TSEN2: variants seen among roughly 807,000 people sequenced by gnomAD.
The protein encoded by TSEN2 is tRNA splicing endonuclease subunit 2.
A neutral mutation model predicts 59.2 loss-of-function variants in TSEN2; 54 were observed. The observed-to-expected ratio is 0.91, with a 90% confidence interval of 0.73 to 1.14. TSEN2 has a LOEUF of 1.14. Among genes scored for constraint, TSEN2 ranks in the 50% most tolerant of loss-of-function variants. The pLI, the probability that TSEN2 is intolerant of heterozygous loss-of-function variation, is 0.00. For synonymous variants in TSEN2, 195 were observed against 198.2 expected (o/e 0.98, Z 0.14); for missense variants, 636 against 576.2 (o/e 1.10, Z -1.06).
At chr3:12,531,404 T>G (rs1281805622) in intron 10 of TSEN2, 166 bp from the exon 11 acceptor site, 2 of 611,158 alleles carry the variant, frequency 3.3e-6, no homozygotes, top group Non-Finnish European at 5.9e-6. Flanking sequence ...AGTCAGAACG[T>G]AAATCCCAGT....
upstream of TSEN2, among the ~76,000 whole-genome samples, chr3:12,480,443 C>T (rs2052177862): frequency 1.3e-5 from 2 of 152,116 alleles, no homozygotes; most frequent in Non-Finnish European, 2.9e-5. Flanking sequence ...CTGGTCTTCC[C>T]TGACCTCCAA....
chr3:12,498,586 A>C (rs1266365797), intron 4 of TSEN2, among the ~76,000 whole-genome samples: 1 of 152,224 alleles, frequency 6.6e-6, no homozygotes, highest in Non-Finnish European at 1.5e-5. Context: ...GTCAATTTGC[A>C]TTGAATTTAC....
Position 12,519,208 on chromosome 3 carries a change from C to A in TSEN2, c.1099+11C>A. The A allele has an allele frequency of 6.2e-7, 1 of 1,614,168 alleles. No individual in the cohort carries two copies. Among genetic ancestry groups the A allele is most frequent in the Middle Eastern group, 1.6e-4 (1 of 6,062 alleles). On this transcript the variant is annotated intron_variant, in intron 8 of 11. Transcript: ENST00000284995. The stretch of plus-strand genomic sequence containing the variant: ...ACGGGACAGATTTACGTAAGTAATT[C>A]TTGGCGTGGTGTGTGTGAGAATAGA...
intron 8 of TSEN2, among the ~76,000 whole-genome samples, chr3:12,527,256 A>T (rs974797811): frequency 1.3e-5 from 2 of 152,216 alleles, no homozygotes; most frequent in African/African-American, 4.8e-5. Flanking sequence ...TACAGACGCA[A>T]AACAAGACTA....
At chr3:12,538,224 A>G (rs1194802176), downstream of TSEN2, among the ~76,000 whole-genome samples, 1 of 152,234 alleles carries the variant, frequency 6.6e-6, no homozygotes, top group Non-Finnish European at 1.5e-5. Context: ...CTTTATTACT[A>G]ATGTTAAAGG....
intron 11 of TSEN2, among the ~76,000 whole-genome samples, 170 bp downstream of exon 11, chr3:12,531,829 C>T (rs900626134): frequency 2.0e-5 from 3 of 152,180 alleles, no homozygotes; most frequent in Admixed American, 1.3e-4. Flanking sequence ...CCATTGGACA[C>T]GAAATCTATG....
upstream of TSEN2, among the ~76,000 whole-genome samples, chr3:12,482,105 G>C (rs17279604): frequency 0.1 from 15,267 of 152,146 alleles, 982 homozygotes; most frequent in Admixed American, 0.17. Context: ...AGATACCAAA[G>C]GTTGAAGGTT....
At chr3:12,538,253 T>C (rs868400890), downstream of TSEN2, among the ~76,000 whole-genome samples, 1 of 152,250 alleles carries the variant, frequency 6.6e-6, no homozygotes, top group Non-Finnish European at 1.5e-5. Context: ...CATTAAAGTT[T>C]ATTTGAGCAA....
chr3:12,507,844 G>A (rs1034072159), intron 6 of TSEN2, among the ~76,000 whole-genome samples: 12 of 152,218 alleles, frequency 7.9e-5, no homozygotes, highest in Non-Finnish European at 1.0e-4. Context: ...AATTTGCATC[G>A]AAGCTGGTGG....
chr3:12,509,967 A>G (rs1216626070), intron 6 of TSEN2, among the ~76,000 whole-genome samples: 1 of 152,232 alleles, frequency 6.6e-6, no homozygotes, highest in African/African-American at 2.4e-5. Flanking sequence ...TGAGCTGGAT[A>G]ATACAAGTGC....
intron 3 of TSEN2, among the ~76,000 whole-genome samples, chr3:12,493,233 T>C (rs2053407543): frequency 6.6e-6 from 1 of 152,252 alleles, no homozygotes; most frequent in African/African-American, 2.4e-5. Flanking sequence ...TGTGAATATT[T>C]GCATACACGT....
intron 10 of TSEN2, chr3:12,530,790 T>C (rs947569451): frequency 7.1e-6 from 7 of 982,098 alleles, no homozygotes; most frequent in Admixed American, 1.2e-4. Context: ...ATTGTTGATA[T>C]GTTCTTGGAA....
At chr3:12,504,969 C>G (rs568104346) in intron 5 of TSEN2, among the ~76,000 whole-genome samples, 185 bp from the exon 6 acceptor site, 4 of 152,260 alleles carry the variant, frequency 2.6e-5, no homozygotes, top group Admixed American at 6.5e-5. Flanking sequence ...CCACTGCACT[C>G]CAGCCTGGGC....
intron 3 of TSEN2, 111 bp from the exon 4 acceptor site, chr3:12,496,407 T>C (rs770895660): frequency 7.6e-6 from 9 of 1,182,958 alleles, no homozygotes; most frequent in Middle Eastern, 2.0e-4. Flanking sequence ...CAGTAAACTT[T>C]CTAGGTGTGT....
chr3:12,532,775 TAAA>T lies in TSEN2; in HGVS notation c.*57_*59del. 6.4e-7 allele frequency: 1 copy of T among 1,566,810 alleles called. No homozygotes were observed. Among genetic ancestry groups the T allele is most frequent in the South Asian group, 1.1e-5 (1 of 90,032 alleles). On this transcript the variant is annotated 3_prime_UTR_variant, in exon 12 of 12. Coordinates refer to ENST00000284995, the MANE Select transcript of TSEN2 (RefSeq NM_025265.4). ...CAACAACTATTTATTGAGGGCTAGG[TAAA>T]AAGTTCTTTTTGTTGTAATCGTCCA...
Position 12,503,228 on chromosome 3 carries a change from G to T in TSEN2, c.309-34G>T, listed in dbSNP as rs747394360. 2.5e-6 allele frequency: 4 copies of T among 1,613,662 alleles called. No homozygotes were observed. In the Admixed American group the frequency reaches 6.7e-5, roughly 27 times the overall value. Reference sequence around the variant, plus strand: ...TGTTGTTTTTTCAATTTTGAAATTCGAGTGCTGTTTCTAACAGTATTTCTG... The same window carrying T: ...TGTTGTTTTTTCAATTTTGAAATTCTAGTGCTGTTTCTAACAGTATTTCTG... On this transcript the variant is annotated intron_variant, in intron 4 of 11. Coordinates refer to ENST00000284995, the MANE Select transcript of TSEN2 (RefSeq NM_025265.4).
At chr3:12,493,862 T>C (rs1017043818) in intron 3 of TSEN2, among the ~76,000 whole-genome samples, 4 of 152,250 alleles carry the variant, frequency 2.6e-5, no homozygotes, top group Non-Finnish European at 4.4e-5. Context: ...TTTTCTACTA[T>C]TGCCTGTGCT....
intron 6 of TSEN2, 35 bp from the exon 7 acceptor site, chr3:12,516,576 T>C: frequency 6.2e-7 from 1 of 1,610,918 alleles, no homozygotes; most frequent in African/African-American, 1.3e-5. Context: ...GTGAAACTAT[T>C]TGTAATGAGC....
rs150060948 is a variant in TSEN2 at position 12,526,436 on chromosome 3, GCA to G, written c.1100-2449_1100-2448del. 5.9e-3 allele frequency among the ~76,000 whole-genome samples: 895 copies of G among 152,252 alleles called. 6 individuals are homozygous for G. Among genetic ancestry groups the G allele is most frequent in the African/African-American group, 0.02 (822 of 41,548 alleles). ...TGTGTTATAATTGTCTACAGATTCAGCACAGTCACGTGCTGAACAGGTTTGTA... is the reference window on the plus strand; with the variant it reads ...TGTGTTATAATTGTCTACAGATTCAGCAGTCACGTGCTGAACAGGTTTGTA... On this transcript the variant is annotated intron_variant, in intron 8 of 11. Transcript: ENST00000284995.
Sources: allele counts gnomAD v4.1 joint callset (sites outside exome capture counted in the v4.1 genomes callset), GRCh38; gene constraint gnomAD v4.1.1; transcripts MANE v1.5; gene names NCBI Gene and HGNC (gene_info 2026-07-23, HGNC 2026-07-21).